GPC5: variants seen among roughly 807,000 people sequenced by gnomAD.
GPC5 encodes glypican 5.
A neutral mutation model predicts 53.9 loss-of-function variants in GPC5; 47 were observed. That is an observed-to-expected ratio of 0.87 (90% CI 0.69 to 1.11). The LOEUF (loss-of-function observed/expected upper bound fraction) is 1.11, where lower values mean the gene tolerates loss of function less well. Ranked by LOEUF, GPC5 falls within the 50% of genes most tolerant of loss-of-function variation. The pLI is 0.00. For synonymous variants in GPC5, 286 were observed against 263.3 expected (o/e 1.09, Z -0.84); for missense variants, 748 against 713.1 (o/e 1.05, Z -0.56).
chr13:92,274,888 A>AC (rs201583104), intron 7 of GPC5, among the ~76,000 whole-genome samples: 12,985 of 152,168 alleles, frequency 0.085, 610 homozygotes, highest in Middle Eastern at 0.12. Flanking sequence ...GGTGGGGAAC[A>AC]TTGGGACCAT....
intron 1 of GPC5, among the ~76,000 whole-genome samples, chr13:91,428,333 C>A (rs74106745): frequency 0.011 from 1,746 of 152,176 alleles, 34 homozygotes; most frequent in African/African-American, 0.041. Context: ...TTGCTGGCTG[C>A]AAGGTTGAGT....
rs535190812 is a variant in GPC5, at chr13:92,837,402, A to G, written c.1562-28880A>G. 6.1e-4 allele frequency among the ~76,000 whole-genome samples: 93 copies of G among 152,282 alleles called. 1 individual carries two copies. The South Asian group carries it at 0.011, about 17-fold the overall frequency. The stretch of plus-strand genomic sequence containing the variant: ...TGAGACAGTAACTGGAGAGGCGACA[A>G]TTCAGACAGGGGAAGGTCTTAAAAA... On this transcript the variant is annotated intron_variant, in intron 7 of 7. Coordinates refer to ENST00000377067, the MANE Select transcript of GPC5 (RefSeq NM_004466.6).
rs1305639171 is a variant in GPC5, at chr13:91,586,503, T to C, written c.326-106684T>C. Among the ~76,000 whole-genome samples, 6 of 714 alleles carry C rather than the reference T, an allele frequency of 8.4e-3. No individual in the cohort carries two copies. The South Asian group carries it at 0.21, about 26-fold the overall frequency. 0.5% of individuals were successfully genotyped at this position (714 alleles called of 152,430 possible). Reference sequence around the variant, plus strand: ...AAGGGGAATGCAAGGCAGCAGGATATATATATATATATATATATATATATA... The same window carrying C: ...AAGGGGAATGCAAGGCAGCAGGATACATATATATATATATATATATATATA... On this transcript the variant is annotated intron_variant, in intron 2 of 7. Transcript: ENST00000377067.
chr13:92,603,316 G>A (rs1312439962), intron 7 of GPC5, among the ~76,000 whole-genome samples: 1 of 151,882 alleles, frequency 6.6e-6, no homozygotes, highest in Admixed American at 6.6e-5. Flanking sequence ...ATATTCTAAA[G>A]CCTAAGAAAA....
At position 91,992,340 on chromosome 13, in the gene GPC5, T is replaced by C. The variant is rs141667030; in HGVS notation, c.1401+84283T>C. 5.5e-3 allele frequency among the ~76,000 whole-genome samples: 839 copies of C among 152,292 alleles called. 15 individuals carry two copies. The highest frequency in any genetic ancestry group is 0.019 in the African/African-American group (790 of 41,562). ...AAGCCACCATGCTGGGTCTAAGGGT[T>C]ATAGTTATTATTCTACCAGTAGCCA... On this transcript the variant is annotated intron_variant, in intron 6 of 7. Transcript: ENST00000377067.
intron 7 of GPC5, among the ~76,000 whole-genome samples, chr13:92,368,660 A>AC (rs1245574227): frequency 6.7e-6 from 1 of 148,700 alleles, no homozygotes; most frequent in Admixed American, 6.7e-5. Flanking sequence ...AAAAAAAAAA[A>AC]CCTGAAAGTT....
At chr13:92,410,888 TAAAG>T (rs1204370415) in intron 7 of GPC5, among the ~76,000 whole-genome samples, 1 of 152,250 alleles carries the variant, frequency 6.6e-6, no homozygotes, top group African/African-American at 2.4e-5. Context: ...CTGAATTTAT[TAAAG>T]AAAAGCTACA....
chr13:92,740,906 A>T lies in GPC5; in HGVS notation c.1562-125376A>T, dbSNP rs900405091. ...TGTATATTTATTTATTTATATATAT[A>T]TATATATATATATGTGCATATGTAT... is the stretch of plus-strand genomic sequence containing the variant. On this transcript the variant is annotated intron_variant, in intron 7 of 7. Coordinates refer to ENST00000377067, the MANE Select transcript of GPC5 (RefSeq NM_004466.6). 5.2e-5 allele frequency among the ~76,000 whole-genome samples: 7 copies of T among 134,216 alleles called. No individual in the cohort carries two copies. In the South Asian group the frequency reaches 1.8e-3, roughly 34 times the overall value. The allele number at this position is 134,216 out of a possible 152,430, so 88.1% of individuals were successfully genotyped here.
At chr13:92,282,507 A>G (rs551667315) in intron 7 of GPC5, among the ~76,000 whole-genome samples, 1 of 152,292 alleles carries the variant, frequency 6.6e-6, no homozygotes, top group South Asian at 2.1e-4. Flanking sequence ...GAAAGGTCGG[A>G]TTACCCACAA....
chr13:92,205,167 C>A (rs1425322284), intron 7 of GPC5, among the ~76,000 whole-genome samples: 1 of 152,070 alleles, frequency 6.6e-6, no homozygotes, highest in Non-Finnish European at 1.5e-5. Context: ...CCTGAGCCAC[C>A]GCACCCGGCC....
At chr13:91,812,598 A>T (rs1292762813) in intron 5 of GPC5, among the ~76,000 whole-genome samples, 1 of 152,154 alleles carries the variant, frequency 6.6e-6, no homozygotes, top group Non-Finnish European at 1.5e-5. Context: ...TCCTCTTCTA[A>T]TTCCAATCCA....
intron 6 of GPC5, among the ~76,000 whole-genome samples, chr13:91,919,340 C>T (rs2039688631): frequency 6.6e-6 from 1 of 152,212 alleles, no homozygotes; most frequent in South Asian, 2.1e-4. Flanking sequence ...TCCATTTCCT[C>T]TCTTACAGTT....
intron 7 of GPC5, among the ~76,000 whole-genome samples, chr13:92,594,501 C>T (rs1385941111): frequency 6.6e-6 from 1 of 152,190 alleles, no homozygotes; most frequent in Non-Finnish European, 1.5e-5. Context: ...ACCAGGCCTA[C>T]ACCAGTGCCC....
At chr13:91,971,198 G>A (rs766072296) in intron 6 of GPC5, among the ~76,000 whole-genome samples, 3 of 152,020 alleles carry the variant, frequency 2.0e-5, no homozygotes, top group South Asian at 4.2e-4. Flanking sequence ...GTCTTGGGAG[G>A]GTGTATGTGT....
At chr13:92,764,018 G>T (rs1416385339) in intron 7 of GPC5, among the ~76,000 whole-genome samples, 1 of 152,156 alleles carries the variant, frequency 6.6e-6, no homozygotes, top group Non-Finnish European at 1.5e-5. Flanking sequence ...TTTGCCTGTA[G>T]GGCTGGGCTG....
chr13:92,739,550 T>C (rs1481421876), intron 7 of GPC5, among the ~76,000 whole-genome samples: 1 of 152,042 alleles, frequency 6.6e-6, no homozygotes, highest in Non-Finnish European at 1.5e-5. Context: ...GTTTCTGTGT[T>C]TCTTTGAATA....
chr13:92,649,179 G>C (rs1158865757), intron 7 of GPC5, among the ~76,000 whole-genome samples: 2 of 152,010 alleles, frequency 1.3e-5, no homozygotes, highest in Non-Finnish European at 2.9e-5. Context: ...CCACAATCTT[G>C]TTGCTGACAT....
At chr13:92,631,348 A>AT (rs757646719) in intron 7 of GPC5, among the ~76,000 whole-genome samples, 3 of 151,998 alleles carry the variant, frequency 2.0e-5, no homozygotes, top group Middle Eastern at 3.4e-3. Flanking sequence ...AGCCAAGTTT[A>AT]TTTTTTTTCT....
chr13:92,167,312 G>A (rs572127637), intron 7 of GPC5, among the ~76,000 whole-genome samples: 1 of 152,216 alleles, frequency 6.6e-6, no homozygotes, highest in Non-Finnish European at 1.5e-5. Flanking sequence ...TTGATGTATA[G>A]TGAGAATTCT....
Sources: allele counts gnomAD v4.1 joint callset (sites outside exome capture counted in the v4.1 genomes callset), GRCh38; gene constraint gnomAD v4.1.1; transcripts MANE v1.5; gene names NCBI Gene and HGNC (gene_info 2026-07-23, HGNC 2026-07-21).